Variants in RNF115 observed in about 807,000 individuals in gnomAD.
RNF115 encodes E3 ubiquitin-protein ligase RNF115.
RNF115 carries 31 observed loss-of-function variants against 39.2 expected under a neutral mutation model. That is an observed-to-expected ratio of 0.79 (90% CI 0.59 to 1.07). RNF115 has a LOEUF of 1.07. Ranked by LOEUF, RNF115 falls within the 50% of genes least tolerant of loss-of-function variation. RNF115 has a pLI of 0.00. For synonymous variants in RNF115, 124 were observed against 131.0 expected, an observed-to-expected ratio of 0.95 and a Z score of 0.37; for missense variants, 384 against 381.7, an observed-to-expected ratio of 1.01 and a Z score of -0.05.
chr1:145,794,485 G>A (rs1395576516), intron 1 of RNF115, among the ~76,000 whole-genome samples: 1 of 150,400 alleles, frequency 6.6e-6, no homozygotes, highest in Non-Finnish European at 1.5e-5. Flanking sequence ...GCATGGCAAG[G>A]GGCATCTAAT....
At chr1:145,811,908 A>AAAAATAT (rs1553722706) in intron 1 of RNF115, among the ~76,000 whole-genome samples, 21 of 55,144 alleles carry the variant, frequency 3.8e-4, no homozygotes, top group African/African-American at 1.1e-3. Context: ...AAAAAAAAAA[A>AAAAATAT]ATATATATAT....
chr1:145,754,350 TG>T (rs1658216978), intron 4 of RNF115, among the ~76,000 whole-genome samples: 2 of 39,592 alleles, frequency 5.1e-5, no homozygotes, highest in South Asian at 7.3e-4. Flanking sequence ...AAACACTGGT[TG>T]TTTTTTTTTT....
chr1:145,750,970 G>A lies in RNF115; in HGVS notation c.573+468C>T, dbSNP rs75203621. Among the ~76,000 whole-genome samples the A allele has an allele frequency of 6.1e-3, 924 of 152,214 alleles. 3 individuals are homozygous for A. The highest frequency in any genetic ancestry group is 8.4e-3 in the Non-Finnish European group (570 of 68,012). On this transcript the variant is annotated intron_variant, in intron 6 of 8. Transcript: ENST00000582693. ...CTTTCTAGTCTCAGAAATCCACAAC[G>A]GAAATGAAAAACCAATCAAATTAAA...
chr1:145,771,842 A>G lies in RNF115; in HGVS notation c.297T>C (p.Asp99=). The G allele has an allele frequency of 6.2e-7, 1 of 1,614,132 alleles. No individual in the cohort carries two copies. Among genetic ancestry groups the G allele is most frequent in the Non-Finnish European group, 8.5e-7 (1 of 1,179,974 alleles). ...PFLSSSPLDQ[D]NRANERGHQT... The stretch of plus-strand genomic sequence containing the variant: ...GGTGACCCCTTTCATTGGCTCTATT[A>G]TCTTGGTCCAGTGGACTGCTACTTA... The change falls in exon 4 of 9, where the codon GAT becomes GAC. Residue 99 remains aspartate (D), a synonymous_variant. Coordinates refer to ENST00000582693, the MANE Select transcript of RNF115 (RefSeq NM_014455.4).
intron 1 of RNF115, among the ~76,000 whole-genome samples, chr1:145,794,392 ACTT>A (rs1553719485): frequency 6.6e-6 from 1 of 151,238 alleles, no homozygotes; most frequent in African/African-American, 2.4e-5. Flanking sequence ...CACACACTGG[ACTT>A]CTTTTGATTC....
chr1:145,795,024 A>G (rs1379996914), intron 1 of RNF115, among the ~76,000 whole-genome samples: 1 of 150,980 alleles, frequency 6.6e-6, no homozygotes, highest in Non-Finnish European at 1.5e-5. Flanking sequence ...TTCAAAAAAA[A>G]AAAAAAAAAA....
chr1:145,758,150 G>A (rs1266117520), intron 4 of RNF115, among the ~76,000 whole-genome samples: 2 of 152,156 alleles, frequency 1.3e-5, no homozygotes, highest in African/African-American at 4.8e-5. Context: ...ACAAAATGTA[G>A]CAGGAATGAC....
intron 1 of RNF115, among the ~76,000 whole-genome samples, chr1:145,809,365 T>C (rs1211153880): frequency 1.3e-5 from 2 of 151,656 alleles, no homozygotes; most frequent in South Asian, 4.2e-4. Flanking sequence ...TTTTGTACTT[T>C]TAGTAGATGC....
intron 3 of RNF115, among the ~76,000 whole-genome samples, chr1:145,780,910 G>A (rs1404949660): frequency 6.6e-6 from 1 of 152,098 alleles, no homozygotes. Flanking sequence ...CTGGCACCAG[G>A]TCGTGGTCAG....
At chr1:145,775,981 G>A (rs1647864389) in intron 3 of RNF115, among the ~76,000 whole-genome samples, 1 of 151,464 alleles carries the variant, frequency 6.6e-6, no homozygotes, top group Non-Finnish European at 1.5e-5. Context: ...CTGGGCAACA[G>A]AGCAAGACCC....
At chr1:145,762,640 C>G (rs1335080322) in intron 4 of RNF115, among the ~76,000 whole-genome samples, 2 of 151,764 alleles carry the variant, frequency 1.3e-5, no homozygotes, top group East Asian at 3.8e-4. Flanking sequence ...CTGGATAAGG[C>G]TGTCTTTTTA....
At chr1:145,820,380 C>T (rs1364726172) in intron 1 of RNF115, among the ~76,000 whole-genome samples, 4 of 151,674 alleles carry the variant, frequency 2.6e-5, no homozygotes, top group East Asian at 3.9e-4. Flanking sequence ...TGGGAGGACA[C>T]ATTGAGCCCA....
At chr1:145,787,155 T>C (rs952949090) in intron 2 of RNF115, 1 of 539,558 alleles carries the variant, frequency 1.9e-6, no homozygotes, top group Non-Finnish European at 3.3e-6. Context: ...CAGATTCTTT[T>C]TGACCAGTCG....
chr1:145,799,915 C>T (rs1253195769), intron 1 of RNF115, among the ~76,000 whole-genome samples: 1 of 152,188 alleles, frequency 6.6e-6, no homozygotes, highest in East Asian at 1.9e-4. Context: ...TTCATAAATA[C>T]ACTTTGATAT....
chr1:145,780,561 A>G (rs1292795494), intron 3 of RNF115, among the ~76,000 whole-genome samples: 1 of 148,550 alleles, frequency 6.7e-6, no homozygotes, highest in Admixed American at 6.8e-5. Context: ...CGGAGGTTGC[A>G]GTGAGCCGAG....
intron 4 of RNF115, among the ~76,000 whole-genome samples, chr1:145,753,633 C>T (rs1244630641): frequency 6.6e-6 from 1 of 152,158 alleles, no homozygotes; most frequent in African/African-American, 2.4e-5. Flanking sequence ...CTTTGTTACC[C>T]AAAGAGATAC....
chr1:145,804,505 AC>A (rs1649384134), intron 1 of RNF115, among the ~76,000 whole-genome samples: 2 of 76,034 alleles, frequency 2.6e-5, no homozygotes, highest in Admixed American at 1.5e-4. Flanking sequence ...GCATGCACAC[AC>A]ACACACACAC....
intron 4 of RNF115, among the ~76,000 whole-genome samples, chr1:145,753,511 A>C (rs1402280605): frequency 6.6e-6 from 1 of 152,190 alleles, no homozygotes; most frequent in Non-Finnish European, 1.5e-5. Context: ...TTCTATGTTA[A>C]GGTTGTTTCA....
At chr1:145,807,291 A>G (rs587597074) in intron 1 of RNF115, among the ~76,000 whole-genome samples, 2 of 152,336 alleles carry the variant, frequency 1.3e-5, no homozygotes, top group Non-Finnish European at 2.9e-5. Flanking sequence ...TTACAGTACT[A>G]GTGTTACAGG....
Sources: allele counts gnomAD v4.1 joint callset (sites outside exome capture counted in the v4.1 genomes callset), GRCh38; gene constraint gnomAD v4.1.1; transcripts MANE v1.5; gene names NCBI Gene and HGNC (gene_info 2026-07-23, HGNC 2026-07-21).